The following NLRP4 variants were observed in gnomAD, a reference collection of about 807,000 sequenced individuals.
NLRP4 encodes NACHT, LRR and PYD domains-containing protein 4.
A neutral mutation model predicts 84.7 loss-of-function variants in NLRP4; 44 were observed. The observed-to-expected ratio is 0.52, with a 90% confidence interval of 0.41 to 0.67. The LOEUF is 0.67. NLRP4 is among the 30% of genes least tolerant of loss of function. The pLI is 0.00. For missense variants in NLRP4, 1,260 were observed against 1,219.4 expected, an observed-to-expected ratio of 1.03 and a Z score of -0.50; for synonymous variants, 544 against 476.4, an observed-to-expected ratio of 1.14 and a Z score of -1.85.
In NLRP4 at chr19:55,881,599, C is replaced by G. The variant is rs747621556; in HGVS notation, c.*12C>G. The G allele has an allele frequency of 3.0e-6, 4 of 1,349,652 alleles. No individual in the cohort carries two copies. Among genetic ancestry groups the G allele is most frequent in the Admixed American group, 3.5e-5 (2 of 57,476 alleles). The allele number at this position is 1,349,652 out of a possible 1,614,324, so 83.6% of individuals were successfully genotyped here. ...GGGTAGAGATCTGATTGCGAGGAAC[C>G]TGGGCTCTGACTCGAACACCTGCAA... On this transcript the variant is annotated 3_prime_UTR_variant, in exon 10 of 10. Transcript: ENST00000301295.
chr19:55,860,274 C>T (rs545023166), intron 3 of NLRP4, among the ~76,000 whole-genome samples: 26 of 152,270 alleles, frequency 1.7e-4, no homozygotes, highest in East Asian at 3.9e-4. Flanking sequence ...CGTGAGCCAC[C>T]GTGCCCGGCC....
Position 55,861,334 on chromosome 19 carries a change from T to G in NLRP4, c.1857-52T>G, listed in dbSNP as rs1413522715. The G allele has an allele frequency of 2.0e-6, 3 of 1,526,290 alleles. No individual in the cohort carries two copies. In the Admixed American group the frequency reaches 5.2e-5, roughly 26 times the overall value. The allele number at this position is 1,526,290 out of a possible 1,614,324, so 94.5% of individuals were successfully genotyped here. ...GCGTAGTGCGTATATGTGTTACAAG[T>G]GGCTCGTGTTGACCGCCTGCCTGTG... On this transcript the variant is annotated intron_variant, in intron 3 of 9. Transcript: ENST00000301295.
In NLRP4 at chr19:55,859,234, A is replaced by G. The variant is rs770075245; in HGVS notation, c.1841A>G (p.Asp614Gly). The G allele has an allele frequency of 6.9e-6, 11 of 1,603,168 alleles. No homozygotes were observed. Among genetic ancestry groups the G allele is most frequent in the Middle Eastern group, 1.7e-4 (1 of 6,034 alleles). Residue 614 changes from aspartate (D) to glycine (G), a missense_variant, in exon 3 of 10, where the codon GAT (aspartate) becomes GGT (glycine). Asp to Gly is a moderately conservative substitution (Grantham distance 94). This residue lies in a region of NLRP4 where 544 missense variants were observed against 531.7 expected (regional missense o/e 1.02). Coordinates refer to ENST00000301295, the MANE Select transcript of NLRP4 (RefSeq NM_134444.5). ...FSVQNVFKKE[D>G]EHSSTSDYSL... ...GTTCAAAATGTCTTTAAGAAAGAGG[A>G]TGAACACAGCTCTACGTGAGTCCAT...
chr19:55,848,944 T>G (rs1433845993), intron 1 of NLRP4, among the ~76,000 whole-genome samples: 1 of 152,132 alleles, frequency 6.6e-6, no homozygotes, highest in African/African-American at 2.4e-5. Context: ...GGTCCTCTCT[T>G]GTCTGCCGCC....
At chr19:55,859,372 C>G (rs1600231192) in intron 3 of NLRP4, 123 bp downstream of exon 3, 1 of 757,742 alleles carries the variant, frequency 1.3e-6, no homozygotes, top group South Asian at 2.0e-5. Context: ...GCCACAAAAC[C>G]TCAGCTCACA....
chr19:55,867,618 A>G, intron 5 of NLRP4, 91 bp from the exon 6 acceptor site: 4 of 1,185,280 alleles, frequency 3.4e-6, no homozygotes, highest in Non-Finnish European at 4.9e-6. Context: ...AGGACAGCAA[A>G]TGTGGGCTTC....
At chr19:55,856,511 CTTTTTTTTTTT>C (rs71182923) in intron 2 of NLRP4, among the ~76,000 whole-genome samples, 3 of 112,214 alleles carry the variant, frequency 2.7e-5, no homozygotes, top group African/African-American at 1.1e-4. Context: ...GTTGCTGGAT[CTTTTTTTTTTT>C]TTTTTTTTTT....
chr19:55,846,894 A>G (rs1983818649), intron 1 of NLRP4, among the ~76,000 whole-genome samples: 1 of 152,088 alleles, frequency 6.6e-6, no homozygotes, highest in African/African-American at 2.4e-5. Flanking sequence ...CTCATTCCGA[A>G]TACTGCTTAA....
chr19:55,873,170 A>G (rs1352905478), intron 7 of NLRP4, among the ~76,000 whole-genome samples: 1 of 152,224 alleles, frequency 6.6e-6, no homozygotes, highest in Non-Finnish European at 1.5e-5. Flanking sequence ...ACAGAAGTAA[A>G]TCATTCCAGA....
chr19:55,841,706 CA>C (rs199630426), intron 1 of NLRP4, among the ~76,000 whole-genome samples: 13 of 151,716 alleles, frequency 8.6e-5, no homozygotes, highest in African/African-American at 2.7e-4. Flanking sequence ...ATTAAAAATA[CA>C]AAAAAAAGTT....
At chr19:55,850,608 T>C (rs1212196169) in intron 1 of NLRP4, among the ~76,000 whole-genome samples, 4 of 96,004 alleles carry the variant, frequency 4.2e-5, no homozygotes, top group Admixed American at 8.7e-5. Context: ...CGGTGTAATT[T>C]ACGAGGCTGC....
chr19:55,879,002 T>G, intron 9 of NLRP4, 38 bp downstream of exon 9: 3 of 1,544,040 alleles, frequency 1.9e-6, no homozygotes, highest in Non-Finnish European at 2.7e-6. Flanking sequence ...GGCAGAGTGC[T>G]CCGGGCTAAG....
In NLRP4 at chr19:55,881,514, C is replaced by A; in HGVS notation, c.2912C>A (p.Thr971Lys). Residue 971 changes from threonine (T) to lysine (K), a missense_variant, in exon 10 of 10, where the codon ACG becomes AAG. Coordinates refer to ENST00000301295, the MANE Select transcript of NLRP4 (RefSeq NM_134444.5). Reference sequence around the variant, plus strand: ...GATGAGGAAACCCAGGCACTTCTGACGGCTGAGGAAGAGAGAAATCCTAAC... The same window carrying A: ...GATGAGGAAACCCAGGCACTTCTGAAGGCTGAGGAAGAGAGAAATCCTAAC... Reference protein sequence around the residue: ...DFDEETQALLTAEEERNPNLT... With the variant: ...DFDEETQALLKAEEERNPNLT... 1.2e-6 allele frequency: 2 copies of A among 1,609,472 alleles called. No individual in the cohort carries two copies. Among genetic ancestry groups the A allele is most frequent in the Non-Finnish European group, 1.7e-6 (2 of 1,175,896 alleles).
intron 6 of NLRP4, among the ~76,000 whole-genome samples, chr19:55,868,340 G>C (rs949464291): frequency 6.6e-6 from 1 of 152,144 alleles, no homozygotes; most frequent in Non-Finnish European, 1.5e-5. Context: ...AATAGGATGA[G>C]AAGAGGCTAT....
chr19:55,849,555 G>C (rs149929553), intron 1 of NLRP4, among the ~76,000 whole-genome samples: 99 of 152,274 alleles, frequency 6.5e-4, no homozygotes, highest in African/African-American at 2.4e-3. Context: ...CCACATAATA[G>C]AGTCAGAGGA....
chr19:55,855,691 C>A lies in NLRP4; in HGVS notation c.281-1983C>A, dbSNP rs185746837. 6.7e-4 allele frequency among the ~76,000 whole-genome samples: 102 copies of A among 152,330 alleles called. 1 individual carries two copies. The highest frequency in any genetic ancestry group is 2.3e-3 in the African/African-American group (94 of 41,572). On this transcript the variant is annotated intron_variant, in intron 2 of 9. Transcript: ENST00000301295. ...GAAAATTTCCCATCTACAACTGCCC[C>A]CTACATCTCCAGTCCATCAGCAGCT...
chr19:55,876,980 C>T lies in NLRP4; in HGVS notation c.2526-16C>T, dbSNP rs376582835. On this transcript the variant is annotated splice_polypyrimidine_tract_variant and intron_variant, in intron 7 of 9. Coordinates refer to ENST00000301295, the MANE Select transcript of NLRP4 (RefSeq NM_134444.5). ...GTGTAATAGCCTTTAAGCATGGTACCCTTACTCCTTTGCAGTTTGGTAAAA... is the reference window on the plus strand; with the variant it reads ...GTGTAATAGCCTTTAAGCATGGTACTCTTACTCCTTTGCAGTTTGGTAAAA... 8.1e-6 allele frequency: 13 copies of T among 1,608,668 alleles called. No homozygotes were observed. The African/African-American group carries it at 1.2e-4, about 15-fold the overall frequency.
intron 7 of NLRP4, among the ~76,000 whole-genome samples, chr19:55,872,389 C>T (rs1452656189): frequency 6.6e-6 from 1 of 152,012 alleles, no homozygotes; most frequent in African/African-American, 2.4e-5. Flanking sequence ...ATAACCCAAC[C>T]CACAAGGAAA....
chr19:55,837,623 C>T (rs750332737), intron 1 of NLRP4, among the ~76,000 whole-genome samples: 2 of 152,012 alleles, frequency 1.3e-5, no homozygotes, highest in Non-Finnish European at 2.9e-5. Flanking sequence ...CACACACACA[C>T]AAAGTCCTAA....
Sources: gnomAD v4.1 joint callset for allele counts (sites outside exome capture counted in the v4.1 genomes callset) on GRCh38, gnomAD v4.1.1 for gene constraint, gnomAD v4.1.1 regional missense constraint, MANE v1.5 for transcripts, NCBI Gene and HGNC (gene_info 2026-07-23, HGNC 2026-07-21) for gene names.